MAML3: variants seen among roughly 807,000 people sequenced by gnomAD.
MAML3 encodes mastermind like transcriptional coactivator 3.
Under a neutral mutation model 101.9 loss-of-function variants are expected in MAML3, and 27 were observed. That is an observed-to-expected ratio of 0.27 (90% CI 0.20 to 0.37). The LOEUF (loss-of-function observed/expected upper bound fraction) is 0.37. MAML3 is among the 10% of genes least tolerant of loss of function. The pLI is 1.00. For missense variants in MAML3, 1,316 were observed against 1,444.9 expected (o/e 0.91, Z 1.45); for synonymous variants, 501 against 555.9 (o/e 0.90, Z 1.39).
At chr4:139,826,175 C>G (rs1194703743) in intron 2 of MAML3, among the ~76,000 whole-genome samples, 1 of 151,920 alleles carries the variant, frequency 6.6e-6, no homozygotes, top group Non-Finnish European at 1.5e-5. Flanking sequence ...AGCAGCCTCC[C>G]CTGGCATCCA....
At chr4:140,100,015 C>T (rs979315398) in intron 1 of MAML3, among the ~76,000 whole-genome samples, 1 of 152,168 alleles carries the variant, frequency 6.6e-6, no homozygotes, top group Non-Finnish European at 1.5e-5. Flanking sequence ...TCTGTTCAGC[C>T]TCAACTCCCC....
rs1732459077 is a variant in MAML3 at position 139,890,707 on chromosome 4, T to C, written c.729A>G (p.Leu243=). Reference sequence around the variant, plus strand: ...TCTCAGGGAGCCTACCATTCTTACTTAGATCTTCTAGAAGCCCAGGAGTGT... The same window carrying C: ...TCTCAGGGAGCCTACCATTCTTACTCAGATCTTCTAGAAGCCCAGGAGTGT... ...GTHTPGLLED[L]SKNGRLPEIK... Residue 243 remains leucine (L), a synonymous_variant, in exon 2 of 5, where the codon CTA becomes CTG. Coordinates refer to ENST00000509479, the MANE Select transcript of MAML3 (RefSeq NM_018717.5). The surrounding 1 kb of genome is among the most constrained non-coding windows in gnomAD (Gnocchi z 4.1). 1.9e-6 allele frequency: 3 copies of C among 1,614,004 alleles called. No individual in the cohort carries two copies. The highest frequency in any genetic ancestry group is 1.6e-4 in the Middle Eastern group (1 of 6,062).
chr4:139,975,986 T>A (rs1018939581), intron 1 of MAML3, among the ~76,000 whole-genome samples: 2 of 152,222 alleles, frequency 1.3e-5, no homozygotes, highest in African/African-American at 4.8e-5. Context: ...ATGCATAGTT[T>A]TATAAACAAA....
At chr4:139,754,464 A>G (rs539841593) in intron 2 of MAML3, among the ~76,000 whole-genome samples, 35 of 152,364 alleles carry the variant, frequency 2.3e-4, no homozygotes, top group African/African-American at 7.5e-4. Flanking sequence ...ACTCCATTGT[A>G]TAAAGCTGTT....
intron 1 of MAML3, among the ~76,000 whole-genome samples, chr4:139,995,373 C>T (rs1037328382): frequency 6.6e-6 from 1 of 152,122 alleles, no homozygotes; most frequent in Admixed American, 6.5e-5. Context: ...CATTAGTATC[C>T]TAAGTTCAGA....
intron 2 of MAML3, among the ~76,000 whole-genome samples, chr4:139,755,474 G>C (rs1729627349): frequency 1.3e-5 from 2 of 152,102 alleles, no homozygotes; most frequent in South Asian, 2.1e-4. Flanking sequence ...CGGGTGTGGT[G>C]GTGGGCGCCT....
intron 1 of MAML3, among the ~76,000 whole-genome samples, chr4:140,070,321 A>G (rs1271348596): frequency 6.6e-6 from 1 of 152,160 alleles, no homozygotes; most frequent in African/African-American, 2.4e-5. Flanking sequence ...AAATCTCTTC[A>G]TATTTTAGCC....
At chr4:140,027,939 T>C (rs1254597962) in intron 1 of MAML3, among the ~76,000 whole-genome samples, 2 of 152,248 alleles carry the variant, frequency 1.3e-5, no homozygotes, top group Non-Finnish European at 2.9e-5. Flanking sequence ...TATAGATTTA[T>C]GCTGTTTGTA....
In MAML3 at chr4:139,950,050, AT is replaced by A. The variant is rs202006002; in HGVS notation, c.469-59084del. 2.1e-4 allele frequency among the ~76,000 whole-genome samples: 32 copies of A among 151,336 alleles called. No homozygotes were observed. The South Asian group carries it at 3.8e-3, about 18-fold the overall frequency. ...TGGACTCAAGACTGCAATATTAACG[AT>A]TTTTTTTTGGAGACAGTCTTGATCT... On this transcript the variant is annotated intron_variant, in intron 1 of 4. Transcript: ENST00000509479.
At chr4:139,737,107 TGCCC>T (rs1292431451) in intron 2 of MAML3, among the ~76,000 whole-genome samples, 3 of 152,120 alleles carry the variant, frequency 2.0e-5, no homozygotes, top group African/African-American at 7.2e-5. Flanking sequence ...TCCCCTATAA[TGCCC>T]TTGCTAAGGG....
intron 1 of MAML3, among the ~76,000 whole-genome samples, chr4:139,920,977 A>ACATGGGCAGGTGGGAT (rs1222961034): frequency 1.3e-5 from 2 of 152,186 alleles, no homozygotes; most frequent in African/African-American, 2.4e-5. Flanking sequence ...ACTCACACCA[A>ACATGGGCAGGTGGGAT]CATGGGCAGG....
intron 2 of MAML3, among the ~76,000 whole-genome samples, chr4:139,839,838 A>G (rs1185608377): frequency 6.6e-6 from 1 of 152,022 alleles, no homozygotes; most frequent in African/African-American, 2.4e-5. Context: ...TGAAGGGGAG[A>G]TGGTGGCATG....
At chr4:139,830,121 A>C (rs974439708) in intron 2 of MAML3, among the ~76,000 whole-genome samples, 5 of 152,228 alleles carry the variant, frequency 3.3e-5, no homozygotes, top group Non-Finnish European at 4.4e-5. Context: ...AGCTGAGTGC[A>C]AGGAAGGACT....
intron 1 of MAML3, among the ~76,000 whole-genome samples, chr4:140,062,033 T>C (rs966522112): frequency 2.3e-4 from 35 of 152,124 alleles, no homozygotes; most frequent in African/African-American, 8.5e-4. Flanking sequence ...AATAGCATTG[T>C]CAAGTAGGAA....
intron 2 of MAML3, among the ~76,000 whole-genome samples, chr4:139,805,445 A>T (rs78316625): frequency 6.6e-6 from 1 of 152,208 alleles, no homozygotes; most frequent in Non-Finnish European, 1.5e-5. Context: ...GTCTAACCCC[A>T]ATTTAGCTAA....
At chr4:139,999,666 T>C (rs911770707) in intron 1 of MAML3, among the ~76,000 whole-genome samples, 1 of 152,248 alleles carries the variant, frequency 6.6e-6, no homozygotes, top group Non-Finnish European at 1.5e-5. Flanking sequence ...GTCTAGATTA[T>C]TGACATCCCA....
At chr4:140,124,258 T>C (rs950154955) in intron 1 of MAML3, among the ~76,000 whole-genome samples, 3 of 152,212 alleles carry the variant, frequency 2.0e-5, no homozygotes, top group Non-Finnish European at 4.4e-5. Flanking sequence ...TGTTAGCACC[T>C]TGAAATCTGT....
chr4:139,806,759 G>T (rs1730707289), intron 2 of MAML3, among the ~76,000 whole-genome samples: 1 of 152,144 alleles, frequency 6.6e-6, no homozygotes, highest in Admixed American at 6.5e-5. Context: ...TAAAAATCAG[G>T]TTTTATAAAG....
chr4:139,819,886 G>C (rs1251374047), intron 2 of MAML3, among the ~76,000 whole-genome samples: 7 of 152,140 alleles, frequency 4.6e-5, no homozygotes, highest in African/African-American at 1.4e-4. Flanking sequence ...CCCATGTGTT[G>C]AAGAACACAC....
Sources: gnomAD v4.1 joint callset for allele counts (sites outside exome capture counted in the v4.1 genomes callset) on GRCh38, gnomAD v4.1.1 for gene constraint, Gnocchi (gnomAD v3.1) non-coding constraint, MANE v1.5 for transcripts, NCBI Gene and HGNC (gene_info 2026-07-23, HGNC 2026-07-21) for gene names.